The following C21orf58 variants were observed in gnomAD, a reference collection of about 807,000 sequenced individuals.
C21orf58 encodes the protein uncharacterized protein C21orf58.
A neutral mutation model predicts 35.8 loss-of-function variants in C21orf58; 34 were observed. The ratio of observed to expected loss-of-function variants is 0.95; its 90% CI spans 0.72 to 1.26. The LOEUF is 1.26. C21orf58 is among the 50% of genes most tolerant of loss of function. The pLI, the probability that C21orf58 is intolerant of heterozygous loss-of-function variation, is 0.00. For missense variants in C21orf58, 440 were observed against 414.3 expected (o/e 1.06, Z -0.54); for synonymous variants, 191 against 175.8 (o/e 1.09, Z -0.68).
chr21:46,319,289 T>G (rs1022066326), intron 1 of C21orf58, among the ~76,000 whole-genome samples: 1 of 152,202 alleles, frequency 6.6e-6, no homozygotes, highest in Non-Finnish European at 1.5e-5. Flanking sequence ...CAACTCACCT[T>G]ACCCTGGAGG....
Position 46,311,604 on chromosome 21 carries a change from C to A in C21orf58, c.610-37G>T, listed in dbSNP as rs750316984. ...CAGGTGATTAGCTATCTGCATATGTCCTTGAAGAAAGTGTCTCCAGTATCT... is the reference window on the plus strand; with the variant it reads ...CAGGTGATTAGCTATCTGCATATGTACTTGAAGAAAGTGTCTCCAGTATCT... On this transcript the variant is annotated intron_variant, in intron 5 of 7. Transcript: ENST00000291691. The A allele has an allele frequency of 3.0e-6, 4 of 1,339,332 alleles. No homozygotes were observed. The African/African-American group carries it at 5.7e-5, about 19-fold the overall frequency. 83.0% of individuals were successfully genotyped at this position (1,339,332 alleles called of 1,614,324 possible). A position where few individuals can be genotyped will look rare whatever the true frequency, so the allele number is the denominator to read the frequency against.
In C21orf58 at chr21:46,323,624, G is replaced by C. The variant is rs2083250156; in HGVS notation, c.-886C>G. ...TTTCGGGTTCCCAGGGTCCCGGCAA[G>C]GGTGAGGGAGCCCTTGCGGATCCCC... is the stretch of plus-strand genomic sequence containing the variant. On this transcript the variant is annotated 5_prime_UTR_variant, in exon 1 of 8. Coordinates refer to ENST00000291691, the MANE Select transcript of C21orf58 (RefSeq NM_058180.5). 1.4e-5 allele frequency: 2 copies of C among 140,574 alleles called. No homozygotes were observed. Among genetic ancestry groups the C allele is most frequent in the Admixed American group, 6.9e-5 (1 of 14,426 alleles). 8.7% of individuals were successfully genotyped at this position (140,574 alleles called of 1,614,324 possible).
intron 6 of C21orf58, among the ~76,000 whole-genome samples, chr21:46,308,045 G>A (rs772330805): frequency 6.6e-6 from 1 of 151,962 alleles, no homozygotes; most frequent in Non-Finnish European, 1.5e-5. Flanking sequence ...CCAGGCTGGA[G>A]TACAAAGGCA....
At chr21:46,320,920 C>G (rs2083133918) in intron 1 of C21orf58, 1 of 152,266 alleles carries the variant, frequency 6.6e-6, no homozygotes, top group South Asian at 2.1e-4. Flanking sequence ...GAGACTTGAG[C>G]CTGTGTGCCC....
intron 1 of C21orf58, 75 bp downstream of exon 1, chr21:46,322,564 C>T (rs2083207839): frequency 2.2e-6 from 3 of 1,371,496 alleles, no homozygotes; most frequent in Admixed American, 6.4e-5. Flanking sequence ...CTCTAATGAG[C>T]CCACTGCCCA....
At chr21:46,302,664 G>C (rs1974171) in intron 6 of C21orf58, 88 bp from the exon 7 acceptor site, 650,525 of 965,074 alleles carry the variant, frequency 0.67, 231,634 homozygotes, top group Non-Finnish European at 0.72. Flanking sequence ...CCAGAGAACA[G>C]GTGTGTCTGT....
intron 5 of C21orf58, among the ~76,000 whole-genome samples, chr21:46,314,243 A>G (rs972427317): frequency 3.3e-5 from 5 of 151,006 alleles, no homozygotes. Context: ...ACGCCCAGCT[A>G]ATTTTTGTAT....
intron 6 of C21orf58, among the ~76,000 whole-genome samples, chr21:46,303,736 T>TAG (rs1569116503): frequency 3.9e-5 from 1 of 25,344 alleles, no homozygotes; most frequent in East Asian, 5.5e-4. Context: ...TATATATATA[T>TAG]ATATATATAT....
chr21:46,301,059 C>G (rs893232491), downstream of C21orf58: 46 of 1,028,492 alleles, frequency 4.5e-5, no homozygotes, highest in Non-Finnish European at 5.3e-5. Context: ...GTAGAGATTT[C>G]TGCATTTATA....
rs186988808 is a variant in C21orf58 at position 46,314,984 on chromosome 21, G to A, written c.445-104C>T. 154 of 1,550,098 alleles carry A rather than the reference G, an allele frequency of 9.9e-5. 1 individual carries two copies. The highest frequency in any genetic ancestry group is 3.8e-4 in the South Asian group (32 of 84,028). On this transcript the variant is annotated intron_variant, in intron 4 of 7. Coordinates refer to ENST00000291691, the MANE Select transcript of C21orf58 (RefSeq NM_058180.5). ...AGGCCAGCCTGGGCCAGGTACAGGC[G>A]CCTCTCCGGGCAGGATGGCCATGAC...
intron 6 of C21orf58, among the ~76,000 whole-genome samples, chr21:46,310,601 G>A (rs2082637739): frequency 6.6e-6 from 1 of 151,932 alleles, no homozygotes; most frequent in Non-Finnish European, 1.5e-5. Context: ...CTGAGGTTGG[G>A]AGTTCAAGAC....
intron 5 of C21orf58, among the ~76,000 whole-genome samples, chr21:46,313,656 T>G: frequency 6.6e-6 from 1 of 152,174 alleles, no homozygotes; most frequent in East Asian, 1.9e-4. Context: ...GGAGGAGGTT[T>G]CTGGTGCTGG....
intron 1 of C21orf58, among the ~76,000 whole-genome samples, chr21:46,321,534 A>G (rs1408932040): frequency 1.3e-5 from 2 of 152,176 alleles, no homozygotes; most frequent in Admixed American, 1.3e-4. Context: ...GTTTTTGATG[A>G]CCTTGACAGT....
intron 6 of C21orf58, among the ~76,000 whole-genome samples, chr21:46,311,088 T>C (rs1260407568): frequency 6.6e-6 from 1 of 151,938 alleles, no homozygotes; most frequent in East Asian, 1.9e-4. Flanking sequence ...GCCAGGCTGG[T>C]CTCGAACTCT....
At position 46,322,902 on chromosome 21, in the gene C21orf58, G is replaced by A. The variant is rs1486351285; in HGVS notation, c.-164C>T. 1.0e-5 allele frequency: 5 copies of A among 485,854 alleles called. No individual in the cohort carries two copies. Among genetic ancestry groups the A allele is most frequent in the Non-Finnish European group, 1.8e-5 (5 of 276,170 alleles). 30.1% of individuals were successfully genotyped at this position (485,854 alleles called of 1,614,324 possible). On this transcript the variant is annotated 5_prime_UTR_variant, in exon 1 of 8. Coordinates refer to ENST00000291691, the MANE Select transcript of C21orf58 (RefSeq NM_058180.5). The stretch of plus-strand genomic sequence containing the variant: ...AGCCACTCCAGCACGCTCGGGAAGG[G>A]CATCGTTACTGCTGCAAACAAGCAC...
chr21:46,315,660 C>T (rs1354934060), intron 3 of C21orf58, 113 bp from the exon 4 acceptor site: 1 of 727,978 alleles, frequency 1.4e-6, no homozygotes. Flanking sequence ...ACCCACACTC[C>T]CAGGATGGGG....
intron 2 of C21orf58, among the ~76,000 whole-genome samples, chr21:46,317,799 A>C (rs1809909550): frequency 6.6e-6 from 1 of 152,244 alleles, no homozygotes; most frequent in African/African-American, 2.4e-5. Context: ...CCCTGTGCTC[A>C]GTGGCCTGCG....
intron 6 of C21orf58, among the ~76,000 whole-genome samples, chr21:46,310,222 A>G (rs962643447): frequency 6.6e-6 from 1 of 152,012 alleles, no homozygotes; most frequent in African/African-American, 2.4e-5. Context: ...CACACCTGTA[A>G]TCCCAGCACT....
In C21orf58 at chr21:46,318,192, A is replaced by G; in HGVS notation, c.129T>C (p.Pro43=). ...GAGCCCAAGCACCGGTGTTGCCTGC[A>G]GGGCGGGCCTTACCTCCTGGAGACC... ...CGWSPGGKAR[P]AGNTGAWAPA... is the part of the protein sequence containing the mutation. Residue 43 remains proline, a synonymous_variant, in exon 2 of 8, where the codon CCT becomes CCC. Transcript: ENST00000291691. 1.2e-6 allele frequency: 2 copies of G among 1,612,772 alleles called. No homozygotes were observed. The highest frequency in any genetic ancestry group is 1.7e-6 in the Non-Finnish European group (2 of 1,180,000).
Sources: gnomAD v4.1 joint callset for allele counts (sites outside exome capture counted in the v4.1 genomes callset) on GRCh38, gnomAD v4.1.1 for gene constraint, MANE v1.5 for transcripts, NCBI Gene and HGNC (gene_info 2026-07-23, HGNC 2026-07-21) for gene names.